Variants in RNF169 observed in about 807,000 individuals in gnomAD.
RNF169 encodes ring finger protein 169, also known as E3 ubiquitin-protein ligase RNF169.
RNF169 carries 24 observed loss-of-function variants against 53.9 expected under a neutral mutation model. That is an observed-to-expected ratio of 0.45 (90% CI 0.32 to 0.63). The LOEUF is 0.63. Among genes scored for constraint, RNF169 ranks in the 20% least tolerant of loss-of-function variants. RNF169 has a pLI of 0.04. For synonymous variants in RNF169, 396 were observed against 363.5 expected (o/e 1.09, Z -1.02); for missense variants, 883 against 906.2 (o/e 0.97, Z 0.33).
At position 74,810,296 on chromosome 11, in the gene RNF169, A is replaced by G; in HGVS notation, c.689A>G (p.Asp230Gly). The G allele has an allele frequency of 6.2e-7, 1 of 1,613,896 alleles. No homozygotes were observed. Among genetic ancestry groups the G allele is most frequent in the Non-Finnish European group, 8.5e-7 (1 of 1,179,870 alleles). ...KRKMDEQKKRDEPLVLKTNLE... is the reference protein window; with the variant it reads ...KRKMDEQKKRGEPLVLKTNLE... ...AAAATGGATGAACAGAAAAAAAGAGATGAACCATTAGTACTGAAAACAAAT... is the reference window on the plus strand; with the variant it reads ...AAAATGGATGAACAGAAAAAAAGAGGTGAACCATTAGTACTGAAAACAAAT... Residue 230 changes from aspartate (D) to glycine (G), a missense_variant, in exon 3 of 6, where the codon GAT becomes GGT. Coordinates refer to ENST00000299563, the MANE Select transcript of RNF169 (RefSeq NM_001098638.2).
At chr11:74,783,378 T>C (rs1471389200) in intron 1 of RNF169, among the ~76,000 whole-genome samples, 1 of 152,228 alleles carries the variant, frequency 6.6e-6, no homozygotes, top group Non-Finnish European at 1.5e-5. Flanking sequence ...CACAGGTGCA[T>C]GTCATTCTTA....
chr11:74,800,803 A>G lies in RNF169; in HGVS notation c.577-9381A>G, dbSNP rs766832887. On this transcript the variant is annotated intron_variant, in intron 2 of 5. Coordinates refer to ENST00000299563, the MANE Select transcript of RNF169 (RefSeq NM_001098638.2). ...GAAGGTGTGTCTTTGTCTTTTTACA[A>G]TTGATTACTTAGAGCTCTTTCTGCT... 2.6e-5 allele frequency among the ~76,000 whole-genome samples: 4 copies of G among 152,294 alleles called. No homozygotes were observed. In the South Asian group the frequency reaches 8.3e-4, roughly 32 times the overall value.
chr11:74,765,813 A>C (rs936326212), intron 1 of RNF169, among the ~76,000 whole-genome samples: 3 of 151,754 alleles, frequency 2.0e-5, no homozygotes, highest in African/African-American at 7.3e-5. Flanking sequence ...TCTCAAAAAA[A>C]AAAAAACAAA....
At chr11:74,787,842 C>A (rs2035525923) in intron 1 of RNF169, among the ~76,000 whole-genome samples, 1 of 152,124 alleles carries the variant, frequency 6.6e-6, no homozygotes. Flanking sequence ...GATATATATG[C>A]AAGATATTCA....
intron 5 of RNF169, 92 bp from the exon 6 acceptor site, chr11:74,835,454 C>T (rs1334009991): frequency 1.1e-6 from 1 of 951,400 alleles, no homozygotes; most frequent in Admixed American, 2.2e-5. Context: ...CTTGTCCTCC[C>T]CTTCCCTGTG....
intron 2 of RNF169, among the ~76,000 whole-genome samples, chr11:74,803,337 G>A (rs540403954): frequency 6.6e-5 from 10 of 152,120 alleles, no homozygotes; most frequent in Non-Finnish European, 1.2e-4. Context: ...TGCCTGCCTC[G>A]GCCTCCCAAA....
intron 1 of RNF169, among the ~76,000 whole-genome samples, chr11:74,785,278 T>TATATATATGTTATATATATTAGAG (rs1565176634): frequency 3.5e-5 from 5 of 143,248 alleles, no homozygotes; most frequent in Admixed American, 7.2e-5. Flanking sequence ...ATATATTAGA[T>TATATATATGTTATATATATTAGAG]ATATATATGT....
chr11:74,755,055 T>C (rs763152554), intron 1 of RNF169, among the ~76,000 whole-genome samples: 1 of 152,226 alleles, frequency 6.6e-6, no homozygotes, highest in Non-Finnish European at 1.5e-5. Flanking sequence ...AATGAAACCA[T>C]GTGATTGTAG....
Position 74,817,621 on chromosome 11 carries a change from A to C in RNF169, c.749A>C (p.Glu250Ala), listed in dbSNP as rs1704703631. ...ERCPARLSDS[E>A]NEEPSRGQMT... The stretch of plus-strand genomic sequence containing the variant: ...TGTCCTGCACGTCTCTCAGATTCAG[A>C]GAATGAAGAACCTTCTCGAGGCCAG... Residue 250 changes from glutamate (E) to alanine (A), a missense_variant, in exon 4 of 6, where the codon GAG (glutamate) becomes GCG (alanine). Physicochemically the swap from Glu to Ala is moderately radical, Grantham distance 107. Transcript: ENST00000299563. 6.2e-7 allele frequency: 1 copy of C among 1,613,784 alleles called. No homozygotes were observed.
chr11:74,776,511 C>CAAAAA lies in RNF169; in HGVS notation c.503-13096_503-13092dup, dbSNP rs766527055. Among the ~76,000 whole-genome samples the CAAAAA allele has an allele frequency of 1.4e-3, 113 of 81,992 alleles. 1 individual carries two copies. The highest frequency in any genetic ancestry group is 4.8e-3 in the African/African-American group (105 of 21,680). 53.8% of individuals were successfully genotyped at this position (81,992 alleles called of 152,430 possible). A position where few individuals can be genotyped will look rare whatever the true frequency, so the allele number is the denominator to read the frequency against. On this transcript the variant is annotated intron_variant, in intron 1 of 5. Coordinates refer to ENST00000299563, the MANE Select transcript of RNF169 (RefSeq NM_001098638.2). Reference sequence around the variant, plus strand: ...CATGAATCTCATTGGTTCATTCAGCCAAAAAAAAAAAAAAAAAAAAAAATT... The same window carrying CAAAAA: ...CATGAATCTCATTGGTTCATTCAGCCAAAAAAAAAAAAAAAAAAAAAAAAAAAATT...
At chr11:74,780,327 T>C (rs2035398859) in intron 1 of RNF169, among the ~76,000 whole-genome samples, 1 of 152,214 alleles carries the variant, frequency 6.6e-6, no homozygotes, top group Admixed American at 6.5e-5. Flanking sequence ...TAATCTATGG[T>C]GACTACATCT....
intron 1 of RNF169, among the ~76,000 whole-genome samples, chr11:74,766,836 T>A (rs1048796446): frequency 6.6e-6 from 1 of 152,212 alleles, no homozygotes; most frequent in African/African-American, 2.4e-5. Flanking sequence ...TATTGAAGGA[T>A]GGATGGTTCC....
intron 2 of RNF169, among the ~76,000 whole-genome samples, chr11:74,799,746 T>G (rs867139898): frequency 6.6e-6 from 1 of 151,968 alleles, no homozygotes; most frequent in Non-Finnish European, 1.5e-5. Context: ...ATAGCTTTAT[T>G]TTTTTCTGCT....
intron 2 of RNF169, among the ~76,000 whole-genome samples, chr11:74,796,222 A>G (rs977030563): frequency 1.3e-5 from 2 of 152,084 alleles, no homozygotes; most frequent in Non-Finnish European, 2.9e-5. Context: ...TCTATTATAT[A>G]TTTATTCTAT....
Position 74,749,373 on chromosome 11 carries a change from G to A in RNF169, c.493G>A (p.Ala165Thr). The change falls in exon 1 of 6, where the codon GCG becomes ACG. Residue 165 changes from alanine (A) to threonine (T), a missense_variant. Transcript: ENST00000299563. ...AGAGCAGGAGCCGCGTGCCGCGCCT[G>A]CGGAGCCAGGTGGAGCTTCCCCACT... Reference protein sequence around the residue: ...RPEQEPRAAPAEPDFIFRAPI... With the variant: ...RPEQEPRAAPTEPDFIFRAPI... 8.0e-7 allele frequency: 1 copy of A among 1,246,554 alleles called. No homozygotes were observed. The highest frequency in any genetic ancestry group is 1.0e-6 in the Non-Finnish European group (1 of 992,574). The allele number at this position is 1,246,554 out of a possible 1,614,324, so 77.2% of individuals were successfully genotyped here. A position where few individuals can be genotyped will look rare whatever the true frequency, so the allele number is the denominator to read the frequency against.
At chr11:74,786,183 C>T (rs1439426581) in intron 1 of RNF169, among the ~76,000 whole-genome samples, 19 of 151,474 alleles carry the variant, frequency 1.3e-4, no homozygotes, top group African/African-American at 4.4e-4. Flanking sequence ...TTGTGATCTG[C>T]CTGTCTTGGC....
rs184782150 is a variant in RNF169 at position 74,835,639 on chromosome 11, G to A, written c.1036G>A (p.Glu346Lys). 4 of 1,614,042 alleles carry A rather than the reference G, an allele frequency of 2.5e-6. No individual in the cohort carries two copies. Among genetic ancestry groups the A allele is most frequent in the Admixed American group, 3.3e-5 (2 of 60,002 alleles). Residue 346 changes from glutamate (E) to lysine (K), a missense_variant, in exon 6 of 6, where the codon GAA becomes AAA. By Grantham distance (56) the Glu-to-Lys change is moderately conservative (BLOSUM62 1). This residue lies in a region of RNF169 where 219 missense variants were observed against 289.1 expected (regional missense o/e 0.76). Coordinates refer to ENST00000299563, the MANE Select transcript of RNF169 (RefSeq NM_001098638.2). The part of the protein sequence containing the change: ...RCVSAPDLTI[E>K]KRLPFSSLSS... Reference sequence around the variant, plus strand: ...CGTCTCGGCCCCTGACTTAACCATCGAAAAGCGTCTACCCTTCAGCTCCCT... The same window carrying A: ...CGTCTCGGCCCCTGACTTAACCATCAAAAAGCGTCTACCCTTCAGCTCCCT...
At chr11:74,765,312 T>A (rs556908) in intron 1 of RNF169, among the ~76,000 whole-genome samples, 52,333 of 152,046 alleles carry the variant, frequency 0.34, 11,037 homozygotes, top group African/African-American at 0.6. Context: ...CTTTTTAAAC[T>A]AATATGCAAC....
intron 1 of RNF169, among the ~76,000 whole-genome samples, chr11:74,763,276 C>T (rs188791271): frequency 3.3e-5 from 5 of 152,056 alleles, no homozygotes; most frequent in Non-Finnish European, 7.4e-5. Context: ...GGGATTCTTA[C>T]AGAAGAAATA....
Sources: gnomAD v4.1 joint callset for allele counts (sites outside exome capture counted in the v4.1 genomes callset) on GRCh38, gnomAD v4.1.1 for gene constraint, gnomAD v4.1.1 regional missense constraint, MANE v1.5 for transcripts, NCBI Gene and HGNC (gene_info 2026-07-23, HGNC 2026-07-21) for gene names.